Variants in ARID1B observed in about 807,000 individuals in gnomAD.
ARID1B encodes the protein AT-rich interactive domain-containing protein 1B.
A neutral mutation model predicts 212.3 loss-of-function variants in ARID1B; 30 were observed. The ratio of observed to expected loss-of-function variants is 0.14; its 90% CI spans 0.11 to 0.19. ARID1B has a LOEUF of 0.19. Among genes scored for constraint, ARID1B ranks in the 10% least tolerant of loss-of-function variants. The pLI, the probability that ARID1B is intolerant of heterozygous loss-of-function variation, is 1.00. For missense variants in ARID1B, 2,891 were observed against 3,204.0 expected (o/e 0.90, Z 2.36); for synonymous variants, 1,402 against 1,301.7 (o/e 1.08, Z -1.66).
intron 2 of ARID1B, among the ~76,000 whole-genome samples, chr6:156,838,052 G>GC (rs1414597143): frequency 2.0e-5 from 3 of 152,160 alleles, no homozygotes; most frequent in Non-Finnish European, 4.4e-5. Context: ...AATTTAGAAA[G>GC]CAGACCATAT....
intron 15 of ARID1B, 74 bp from the exon 16 acceptor site, chr6:157,196,091 T>A (rs1793698976): frequency 1.9e-6 from 3 of 1,554,024 alleles, no homozygotes; most frequent in Non-Finnish European, 2.6e-6. Context: ...ACAATAGAGA[T>A]GACTAGAAGG....
chr6:156,994,288 A>G (rs1328327503), intron 4 of ARID1B, among the ~76,000 whole-genome samples: 1 of 152,106 alleles, frequency 6.6e-6, no homozygotes, highest in African/African-American at 2.4e-5. Context: ...ATAACAAGCC[A>G]TTTTCAGTCA....
At position 157,093,962 on chromosome 6, in the gene ARID1B, C is replaced by T. The variant is rs142818460; in HGVS notation, c.2491+9057C>T. On this transcript the variant is annotated intron_variant, in intron 5 of 19. Coordinates refer to ENST00000636930, the MANE Select transcript of ARID1B (RefSeq NM_001374828.1). ...CATAAACTGCAAAGGGTCCTGTCCT[C>T]GTGAAACTTAAAGTCTAGTGGGAAA... Among the ~76,000 whole-genome samples the T allele has an allele frequency of 5.5e-3, 837 of 152,202 alleles. 6 individuals carry two copies. The highest frequency in any genetic ancestry group is 0.019 in the African/African-American group (800 of 41,504).
In ARID1B at chr6:157,201,343, C is replaced by T. The variant is rs1794106579; in HGVS notation, c.5118C>T (p.Val1706=). ...TGCCGTCTATGAAGATGCAGAAGGT[C>T]ATGCCCACGGTCCCCACATCCCAGG... The part of the protein sequence containing the change: ...PFLPSMKMQK[V]MPTVPTSQVT... The change falls in exon 18 of 20, where the codon GTC becomes GTT. Residue 1706 remains valine, a synonymous_variant. Coordinates refer to ENST00000636930, the MANE Select transcript of ARID1B (RefSeq NM_001374828.1). The surrounding 1 kb of genome is among the most constrained non-coding windows in gnomAD (Gnocchi z 5.2). 6.2e-7 allele frequency: 1 copy of T among 1,613,820 alleles called. No homozygotes were observed. The highest frequency in any genetic ancestry group is 1.1e-5 in the South Asian group (1 of 91,002).
At chr6:157,062,206 T>G (rs1783384260) in intron 4 of ARID1B, among the ~76,000 whole-genome samples, 2 of 148,964 alleles carry the variant, frequency 1.3e-5, no homozygotes, top group African/African-American at 2.5e-5. Flanking sequence ...GTTTTGTTGT[T>G]TTTTTTTTTT....
chr6:156,974,428 C>T (rs1185562830), intron 4 of ARID1B, among the ~76,000 whole-genome samples: 3 of 152,016 alleles, frequency 2.0e-5, no homozygotes, highest in Admixed American at 1.3e-4. Flanking sequence ...GTTAATGTAC[C>T]TGAAAAGCCA....
chr6:157,051,517 T>C (rs1782603854), intron 4 of ARID1B, among the ~76,000 whole-genome samples: 1 of 152,218 alleles, frequency 6.6e-6, no homozygotes, highest in South Asian at 2.1e-4. Context: ...TAGATGACTA[T>C]TTGTAATCTG....
intron 1 of ARID1B, among the ~76,000 whole-genome samples, chr6:156,790,422 A>T (rs888898087): frequency 1.3e-5 from 2 of 152,212 alleles, no homozygotes; most frequent in African/African-American, 4.8e-5. Flanking sequence ...TTTAAATTTT[A>T]CTTAGTATTC....
At chr6:157,115,906 A>G (rs1787296989) in intron 6 of ARID1B, among the ~76,000 whole-genome samples, 1 of 152,184 alleles carries the variant, frequency 6.6e-6, no homozygotes, top group African/African-American at 2.4e-5. Flanking sequence ...CAATATACAG[A>G]AATGTTACTA....
At chr6:156,803,173 C>G (rs919550412) in intron 1 of ARID1B, among the ~76,000 whole-genome samples, 4 of 151,946 alleles carry the variant, frequency 2.6e-5, no homozygotes, top group Non-Finnish European at 4.4e-5. Flanking sequence ...CAGATTGACT[C>G]TAGTATGCAG....
At chr6:156,824,863 AT>A (rs1244051858) in intron 1 of ARID1B, among the ~76,000 whole-genome samples, 131 of 144,946 alleles carry the variant, frequency 9.0e-4, no homozygotes, top group Admixed American at 2.4e-3. Context: ...CTTAGATTTG[AT>A]TTTTTTTTTT....
chr6:156,917,264 A>G (rs866672551), intron 3 of ARID1B, among the ~76,000 whole-genome samples: 28 of 152,372 alleles, frequency 1.8e-4, no homozygotes, highest in African/African-American at 6.7e-4. Context: ...CTTAAGAGAA[A>G]TAATGGGTAT....
chr6:156,953,487 G>A (rs1358774410), intron 4 of ARID1B, among the ~76,000 whole-genome samples: 1 of 152,154 alleles, frequency 6.6e-6, no homozygotes, highest in Admixed American at 6.6e-5. Context: ...CTAGAACTCT[G>A]TACTATGTAA....
At chr6:156,931,687 G>A (rs1791729932) in intron 3 of ARID1B, among the ~76,000 whole-genome samples, 1 of 152,060 alleles carries the variant, frequency 6.6e-6, no homozygotes, top group Admixed American at 6.5e-5. Flanking sequence ...ATTAGGCCGG[G>A]CACGGTGGCT....
chr6:157,096,875 A>G (rs1373322788), intron 5 of ARID1B, among the ~76,000 whole-genome samples: 20 of 152,216 alleles, frequency 1.3e-4, no homozygotes, highest in Admixed American at 7.9e-4. Flanking sequence ...GCACTTATTT[A>G]AACACCCAAA....
intron 1 of ARID1B, among the ~76,000 whole-genome samples, chr6:156,824,863 A>ATTTTTTTTTTTTTTTTTTTTT: frequency 6.9e-6 from 1 of 145,132 alleles, no homozygotes. Context: ...CTTAGATTTG[A>ATTTTTTTTTTTTTTTTTTTTT]TTTTTTTTTT....
chr6:157,059,222 A>G (rs1245444009), intron 4 of ARID1B, among the ~76,000 whole-genome samples: 1 of 152,214 alleles, frequency 6.6e-6, no homozygotes, highest in Non-Finnish European at 1.5e-5. Flanking sequence ...AAATTGATGT[A>G]TAAATGAAAG....
intron 6 of ARID1B, among the ~76,000 whole-genome samples, chr6:157,128,638 G>C (rs187113789): frequency 1.3e-5 from 2 of 152,290 alleles, no homozygotes; most frequent in East Asian, 3.9e-4. Flanking sequence ...CAGAGGTTTG[G>C]GTGAGCCATG....
intron 6 of ARID1B, among the ~76,000 whole-genome samples, chr6:157,118,314 A>G (rs1787467285): frequency 6.6e-6 from 1 of 152,226 alleles, no homozygotes; most frequent in Admixed American, 6.5e-5. Flanking sequence ...GTGTGACAGT[A>G]GATCTGCAGA....
Sources: allele counts gnomAD v4.1 joint callset (sites outside exome capture counted in the v4.1 genomes callset), GRCh38; gene constraint gnomAD v4.1.1; non-coding constraint Gnocchi (gnomAD v3.1); transcripts MANE v1.5; gene names NCBI Gene and HGNC (gene_info 2026-07-23, HGNC 2026-07-21).